The following ANKH variants were observed in gnomAD, a reference collection of about 807,000 sequenced individuals.
ANKH encodes the protein mineralization regulator ANKH.
ANKH carries 15 observed loss-of-function variants against 49.0 expected under a neutral mutation model. That is an observed-to-expected ratio of 0.31 (90% CI 0.20 to 0.47). ANKH has a LOEUF of 0.47. Ranked by LOEUF, ANKH falls within the 20% of genes least tolerant of loss-of-function variation. ANKH has a pLI of 1.00. For synonymous variants in ANKH, 273 were observed against 260.0 expected, an observed-to-expected ratio of 1.05 and a Z score of -0.48; for missense variants, 429 against 652.0, an observed-to-expected ratio of 0.66 and a Z score of 3.72.
At chr5:14,860,518 GTGT>G (rs1361382050) in intron 1 of ANKH, among the ~76,000 whole-genome samples, 4 of 152,010 alleles carry the variant, frequency 2.6e-5, no homozygotes, top group Admixed American at 1.3e-4. Context: ...AGAGAATTTT[GTGT>G]TGTTGTTATT....
At chr5:14,801,373 T>C (rs998667122) in intron 1 of ANKH, among the ~76,000 whole-genome samples, 1 of 152,178 alleles carries the variant, frequency 6.6e-6, no homozygotes, top group Admixed American at 6.5e-5. Context: ...TAAAACAGTG[T>C]AGGTTTGGAA....
intron 2 of ANKH, chr5:14,768,742 T>C: frequency 1.7e-6 from 1 of 591,870 alleles, no homozygotes; most frequent in South Asian, 2.0e-5. Flanking sequence ...ACTAATGAAA[T>C]CACTGCTTTT....
chr5:14,800,180 G>T (rs543833780), intron 1 of ANKH, among the ~76,000 whole-genome samples: 2 of 152,348 alleles, frequency 1.3e-5, no homozygotes, highest in South Asian at 4.1e-4. Context: ...CTGAATTGCT[G>T]TAATCTCATG....
chr5:14,805,449 ATATATATATG>A (rs1561063706), intron 1 of ANKH, among the ~76,000 whole-genome samples: 17 of 84,338 alleles, frequency 2.0e-4, no homozygotes, highest in African/African-American at 5.7e-4. Flanking sequence ...GTGTGTGTGT[ATATATATATG>A]TACACACACA....
At chr5:14,845,348 G>GTATA (rs752770046) in intron 1 of ANKH, among the ~76,000 whole-genome samples, 44 of 92,276 alleles carry the variant, frequency 4.8e-4, no homozygotes, top group East Asian at 3.5e-3. Context: ...AGTTTCATGT[G>GTATA]TATATATATA....
chr5:14,709,459 C>G lies in ANKH; in HGVS notation c.*1738G>C, dbSNP rs1350648889. The G allele has an allele frequency of 6.6e-6, 1 of 152,230 alleles. No individual in the cohort carries two copies. The highest frequency in any genetic ancestry group is 1.5e-5 in the Non-Finnish European group (1 of 68,048). 9.4% of individuals were successfully genotyped at this position (152,230 alleles called of 1,614,324 possible). A position where few individuals can be genotyped will look rare whatever the true frequency, so the allele number is the denominator to read the frequency against. On this transcript the variant is annotated 3_prime_UTR_variant, in exon 12 of 12. Transcript: ENST00000284268. ...ATGTCCCCACGTGGGCACACCCCAT[C>G]AGCACTGGGTACCCAGGAATGTGAA...
intron 1 of ANKH, among the ~76,000 whole-genome samples, chr5:14,809,335 TAAAAAAAAA>T (rs36119317): frequency 3.7e-5 from 3 of 80,858 alleles, no homozygotes; most frequent in African/African-American, 9.8e-5. Flanking sequence ...TAGAGTATAA[TAAAAAAAAA>T]AAAAAAAAAA....
chr5:14,721,908 C>A (rs924003258), intron 8 of ANKH, among the ~76,000 whole-genome samples: 4 of 113,752 alleles, frequency 3.5e-5, no homozygotes, highest in Non-Finnish European at 6.5e-5. Context: ...CCAGCCTGGG[C>A]GACAGAGCGA....
chr5:14,864,806 T>C (rs1335327230), intron 1 of ANKH, among the ~76,000 whole-genome samples: 1 of 152,234 alleles, frequency 6.6e-6, no homozygotes, highest in African/African-American at 2.4e-5. Context: ...CATACTTAAA[T>C]ACTTTTAAAT....
At chr5:14,815,886 G>A (rs1309948019) in intron 1 of ANKH, among the ~76,000 whole-genome samples, 1 of 152,190 alleles carries the variant, frequency 6.6e-6, no homozygotes, top group Non-Finnish European at 1.5e-5. Flanking sequence ...CACAGATCGA[G>A]GGCGCTGGCT....
At chr5:14,736,856 G>A (rs1369627958) in intron 8 of ANKH, among the ~76,000 whole-genome samples, 2 of 152,208 alleles carry the variant, frequency 1.3e-5, no homozygotes, top group African/African-American at 4.8e-5. Flanking sequence ...ATGGTTTGGG[G>A]AGGCTTAGCA....
intron 1 of ANKH, chr5:14,797,619 T>G (rs577917167): frequency 6.2e-7 from 1 of 1,606,442 alleles, no homozygotes; most frequent in East Asian, 2.2e-5. Flanking sequence ...TTTGGAAGTA[T>G]TGTTTGAACG....
chr5:14,712,994 G>A (rs1289204686), intron 10 of ANKH, 21 bp from the exon 11 acceptor site: 5 of 1,604,888 alleles, frequency 3.1e-6, no homozygotes, highest in Non-Finnish European at 4.3e-6. Context: ...GAACACAAAG[G>A]CAATTTGTCT....
intron 5 of ANKH, 63 bp downstream of exon 5, chr5:14,751,006 G>A (rs574651635): frequency 6.7e-5 from 106 of 1,582,244 alleles, no homozygotes; most frequent in Non-Finnish European, 5.6e-5. Context: ...TTACATAGAG[G>A]TGGAATACAG....
chr5:14,867,880 A>G (rs1204560384), intron 1 of ANKH, among the ~76,000 whole-genome samples: 1 of 152,148 alleles, frequency 6.6e-6, no homozygotes, highest in Non-Finnish European at 1.5e-5. Flanking sequence ...ATTTTATTCC[A>G]TAGAGCTTTT....
intron 1 of ANKH, among the ~76,000 whole-genome samples, chr5:14,812,447 G>C (rs78408939): frequency 0.013 from 2,020 of 152,198 alleles, 55 homozygotes; most frequent in African/African-American, 0.047. Context: ...GGGCATTACA[G>C]AACACTTCAT....
rs1554006416 is a variant in ANKH at position 14,793,005 on chromosome 5, T to TAAAA, written c.97-23815_97-23814insTTTT. 1.1e-3 allele frequency among the ~76,000 whole-genome samples: 69 copies of TAAAA among 60,282 alleles called. 1 individual carries two copies. Among genetic ancestry groups the TAAAA allele is most frequent in the South Asian group, 2.2e-3 (5 of 2,286 alleles). The allele number at this position is 60,282 out of a possible 152,430, so 39.5% of individuals were successfully genotyped here. A position where few individuals can be genotyped will look rare whatever the true frequency, so the allele number is the denominator to read the frequency against. On this transcript the variant is annotated intron_variant, in intron 1 of 11. Coordinates refer to ENST00000284268, the MANE Select transcript of ANKH (RefSeq NM_054027.6). ...ATATATATAAAAATATATATATATA[T>TAAAA]AAATATATATATATAAATATATATA...
rs769948252 is a variant in ANKH, at chr5:14,871,491, G to A, written c.-44C>T. 91 of 1,541,242 alleles carry A rather than the reference G, an allele frequency of 5.9e-5. No individual in the cohort carries two copies. Among genetic ancestry groups the A allele is most frequent in the Middle Eastern group, 1.9e-4 (1 of 5,206 alleles). ...ACCCCACACACATCTGCTGCCGCGA[G>A]GGGACTCTGCGGGGAGGCGAGGGGC... On this transcript the variant is annotated 5_prime_UTR_variant, in exon 1 of 12. Transcript: ENST00000284268.
intron 4 of ANKH, 110 bp from the exon 5 acceptor site, chr5:14,751,349 G>C: frequency 8.5e-7 from 1 of 1,176,468 alleles, no homozygotes; most frequent in Non-Finnish European, 1.2e-6. Context: ...CAAAGATCTT[G>C]ACTTTTATGC....
Sources: allele counts gnomAD v4.1 joint callset (sites outside exome capture counted in the v4.1 genomes callset), GRCh38; gene constraint gnomAD v4.1.1; transcripts MANE v1.5; gene names NCBI Gene and HGNC (gene_info 2026-07-23, HGNC 2026-07-21).